Variants in TRPC5 observed in about 807,000 individuals in gnomAD.
TRPC5 encodes short transient receptor potential channel 5.
TRPC5 carries 9 observed loss-of-function variants against 56.5 expected under a neutral mutation model. The ratio of observed to expected loss-of-function variants is 0.16; its 90% confidence interval spans 0.10 to 0.28. TRPC5 has a LOEUF of 0.28. Among genes scored for constraint, TRPC5 ranks in the 10% least tolerant of loss-of-function variants. The pLI is 1.00. For synonymous variants in TRPC5, 282 were observed against 278.5 expected (o/e 1.01, Z -0.13); for missense variants, 469 against 748.9 (o/e 0.63, Z 4.36).
At chrX:111,936,335 C>CTT (rs927955278) in intron 2 of TRPC5, among the ~76,000 whole-genome samples, 1 of 105,794 alleles carries the variant, frequency 9.5e-6, no homozygotes, top group African/African-American at 3.4e-5. Context: ...TTTATCAGTT[C>CTT]TTTTTTTTTT....
intron 3 of TRPC5, among the ~76,000 whole-genome samples, chrX:111,880,491 C>T (rs1291174002): frequency 8.9e-6 from 1 of 112,377 alleles, no homozygotes; most frequent in African/African-American, 3.2e-5. Flanking sequence ...GTGAACAGAG[C>T]TGCTTACCTG....
intron 1 of TRPC5, among the ~76,000 whole-genome samples, chrX:112,072,807 T>C (rs1294171608): frequency 9.0e-6 from 1 of 110,733 alleles, no homozygotes; most frequent in Non-Finnish European, 1.9e-5. Context: ...CAGATCGATC[T>C]CTCTCTCTCT....
intron 3 of TRPC5, among the ~76,000 whole-genome samples, chrX:111,883,320 T>C (rs759020104): frequency 1.8e-5 from 2 of 112,268 alleles, no homozygotes; most frequent in African/African-American, 6.5e-5. Context: ...CTGGGACCTA[T>C]TCAGGGCCAA....
intron 2 of TRPC5, among the ~76,000 whole-genome samples, chrX:111,941,438 G>T (rs1358579639): frequency 8.9e-6 from 1 of 112,264 alleles, no homozygotes; most frequent in Non-Finnish European, 1.9e-5. Flanking sequence ...AACAGTGTCT[G>T]CAAGTGCTTC....
At chrX:111,903,773 T>G (rs1177861799) in intron 3 of TRPC5, 2 of 112,081 alleles carry the variant, frequency 1.8e-5, no homozygotes, top group African/African-American at 6.5e-5. Flanking sequence ...GATAGGCTGG[T>G]AGATGGCATT....
intron 1 of TRPC5, among the ~76,000 whole-genome samples, chrX:112,000,290 G>A (rs1286318676): frequency 8.9e-6 from 1 of 111,837 alleles, no homozygotes; most frequent in Non-Finnish European, 1.9e-5. Context: ...AAGCAAATCA[G>A]GGCCCCAACC....
At chrX:111,913,206 C>T (rs887023903) in intron 2 of TRPC5, among the ~76,000 whole-genome samples, 2 of 111,705 alleles carry the variant, frequency 1.8e-5, no homozygotes, top group African/African-American at 6.5e-5. Flanking sequence ...GCAATGACAA[C>T]ATGCCCATTT....
At chrX:111,833,571 T>G (rs1212339305) in intron 7 of TRPC5, among the ~76,000 whole-genome samples, 1 of 111,478 alleles carries the variant, frequency 9.0e-6, no homozygotes, top group Non-Finnish European at 1.9e-5. Flanking sequence ...GAGAATATAT[T>G]TATTTCATTG....
At chrX:111,954,593 A>G (rs1269505189) in intron 1 of TRPC5, among the ~76,000 whole-genome samples, 3 of 111,878 alleles carry the variant, frequency 2.7e-5, no homozygotes, top group Admixed American at 9.5e-5. Context: ...TTCCAAGGCA[A>G]TAGCTCATAA....
At chrX:112,029,184 A>C (rs778799172) in intron 1 of TRPC5, among the ~76,000 whole-genome samples, 3 of 105,899 alleles carry the variant, frequency 2.8e-5, no homozygotes, top group Non-Finnish European at 3.8e-5. Context: ...TCTACTCTCT[A>C]TGTCTGTGAG....
intron 3 of TRPC5, among the ~76,000 whole-genome samples, chrX:111,899,981 C>T (rs990592899): frequency 4.5e-5 from 5 of 110,301 alleles, no homozygotes; most frequent in African/African-American, 1.6e-4. Context: ...GGACAAACCC[C>T]ATGTGTACTG....
chrX:112,032,994 G>A (rs1929625914), intron 1 of TRPC5, among the ~76,000 whole-genome samples: 1 of 109,616 alleles, frequency 9.1e-6, no homozygotes, highest in South Asian at 4.0e-4. Context: ...TGATAGACTG[G>A]ATTAAGAAAA....
intron 7 of TRPC5, among the ~76,000 whole-genome samples, chrX:111,782,806 AACACACAC>A (rs1186498788): frequency 1.8e-4 from 17 of 92,120 alleles, no homozygotes; most frequent in South Asian, 5.9e-4. Context: ...CATTATAATC[AACACACAC>A]ACACACACAC....
chrX:111,837,905 T>G (rs1185302495), intron 6 of TRPC5, among the ~76,000 whole-genome samples: 1 of 58,364 alleles, frequency 1.7e-5, no homozygotes, highest in African/African-American at 1.1e-4. Flanking sequence ...AGCCCCGTTA[T>G]CAAAAAAAAA....
chrX:111,885,957 C>T (rs757255838), intron 3 of TRPC5, among the ~76,000 whole-genome samples: 21 of 111,688 alleles, frequency 1.9e-4, no homozygotes, highest in Admixed American at 1.6e-3. Context: ...GTTTCTCTGC[C>T]TCCAAAGCCA....
At position 111,952,055 on chromosome X, in the gene TRPC5, G is replaced by C; in HGVS notation, c.366C>G (p.Ser122Arg). 1 of 1,206,463 alleles carries C rather than the reference G, an allele frequency of 8.3e-7. No homozygotes were observed. Among genetic ancestry groups the C allele is most frequent in the East Asian group, 3.0e-5 (1 of 33,710 alleles). The stretch of plus-strand genomic sequence containing the variant: ...GAATTTCTCTTACCTGCTTCTCTCC[G>C]CTGGGCCGCCTGTAGCTGAGCAGAA... ...VELLLSYRRP[S>R]GEKQVPTLMM... The change falls in exon 2 of 11, where the codon AGC becomes AGG. Residue 122 changes from serine (S) to arginine (R), a missense_variant. This residue lies in a region of TRPC5 where 118 missense variants were observed against 167.1 expected (regional missense o/e 0.71). Transcript: ENST00000262839.
At chrX:112,006,680 G>T in intron 1 of TRPC5, among the ~76,000 whole-genome samples, 2 of 112,035 alleles carry the variant, frequency 1.8e-5, no homozygotes, top group South Asian at 7.5e-4. Context: ...TGGGAAATTA[G>T]ATGGAGGCCA....
intron 7 of TRPC5, among the ~76,000 whole-genome samples, chrX:111,828,100 G>A (rs1277847587): frequency 8.9e-6 from 1 of 111,938 alleles, no homozygotes; most frequent in Non-Finnish European, 1.9e-5. Flanking sequence ...GAGAGCTTGG[G>A]CTCCCTTTCT....
Position 112,022,249 on chromosome X carries a change from G to A in TRPC5, c.-22+59630C>T, listed in dbSNP as rs181419556. 3.1e-3 allele frequency among the ~76,000 whole-genome samples: 351 copies of A among 112,411 alleles called. 2 individuals are homozygous for A. Among genetic ancestry groups the A allele is most frequent in the Middle Eastern group, 4.7e-3 (1 of 215 alleles). On this transcript the variant is annotated intron_variant, in intron 1 of 10. Transcript: ENST00000262839. ...CTTATATCATTTTTGATGGAGAATA[G>A]GAATGCTTTTCTAAAACTGAGATAT... is the stretch of plus-strand genomic sequence containing the variant.
Sources: allele counts gnomAD v4.1 joint callset (sites outside exome capture counted in the v4.1 genomes callset), GRCh38; gene constraint gnomAD v4.1.1; regional missense constraint gnomAD v4.1.1; transcripts MANE v1.5; gene names NCBI Gene and HGNC (gene_info 2026-07-23, HGNC 2026-07-21).